Variants in PLCXD3 observed in about 807,000 individuals in gnomAD.
The protein encoded by PLCXD3 is phosphatidylinositol specific phospholipase C X domain containing 3, also known as PI-PLC X domain-containing protein 3.
PLCXD3 carries 19 observed loss-of-function variants against 25.5 expected under a neutral mutation model. That is an observed-to-expected ratio of 0.75 (90% CI 0.52 to 1.09). The LOEUF is 1.09. PLCXD3 is among the 50% of genes least tolerant of loss of function. The pLI is 0.00. For missense variants in PLCXD3, 411 were observed against 388.1 expected (o/e 1.06, Z -0.50); for synonymous variants, 174 against 137.6 (o/e 1.26, Z -1.85).
chr5:41,479,717 GAGAGAGAGAGAA>G lies in PLCXD3; in HGVS notation c.103+30695_103+30706del, dbSNP rs567299138. ...CCTTAGTACTCTGCTGAGAGGGAGA[GAGAGAGAGAGAA>G]AGAGAGAGAGAGAGAGAGAGTAGGC... is the stretch of plus-strand genomic sequence containing the variant. On this transcript the variant is annotated intron_variant, in intron 1 of 2. Coordinates refer to ENST00000377801, the MANE Select transcript of PLCXD3 (RefSeq NM_001005473.3). 5.3e-3 allele frequency among the ~76,000 whole-genome samples: 805 copies of G among 152,042 alleles called. 7 individuals are homozygous for G. Among genetic ancestry groups the G allele is most frequent in the African/African-American group, 0.018 (747 of 41,430 alleles).
Position 41,310,056 on chromosome 5 carries a change from A to T in PLCXD3, c.*3561T>A, listed in dbSNP as rs1414395786. The T allele has an allele frequency of 3.3e-5, 5 of 152,068 alleles. No homozygotes were observed. The highest frequency in any genetic ancestry group is 7.4e-5 in the Non-Finnish European group (5 of 67,974). The allele number at this position is 152,068 out of a possible 1,614,324, so 9.4% of individuals were successfully genotyped here. Reference sequence around the variant, plus strand: ...GTGCACATACAGGTGTATACATGGCAAACATTTTATACTCTAATACATTCA... The same window carrying T: ...GTGCACATACAGGTGTATACATGGCTAACATTTTATACTCTAATACATTCA... On this transcript the variant is annotated 3_prime_UTR_variant, in exon 3 of 3. Transcript: ENST00000377801.
intron 1 of PLCXD3, among the ~76,000 whole-genome samples, chr5:41,479,240 A>T (rs1020223493): frequency 5.3e-5 from 8 of 152,238 alleles, no homozygotes; most frequent in Non-Finnish European, 1.0e-4. Context: ...ACAAAAAACA[A>T]ATATTACATG....
intron 1 of PLCXD3, among the ~76,000 whole-genome samples, chr5:41,459,084 G>C (rs373584376): frequency 1.3e-5 from 2 of 151,714 alleles, no homozygotes; most frequent in African/African-American, 4.8e-5. Flanking sequence ...TCAATGCCAA[G>C]TACTCTTTCA....
chr5:41,483,574 C>T (rs34821016), intron 1 of PLCXD3, among the ~76,000 whole-genome samples: 6,102 of 152,068 alleles, frequency 0.04, 195 homozygotes, highest in South Asian at 0.058. Flanking sequence ...ATTGCTTAAG[C>T]TTAATGAGTA....
At chr5:41,345,817 C>T (rs1207607568) in intron 2 of PLCXD3, among the ~76,000 whole-genome samples, 3 of 151,902 alleles carry the variant, frequency 2.0e-5, no homozygotes, top group Admixed American at 1.3e-4. Context: ...TACTTATTTG[C>T]CTTTATCCAA....
chr5:41,493,690 G>T (rs1748761456), intron 1 of PLCXD3, among the ~76,000 whole-genome samples: 1 of 152,206 alleles, frequency 6.6e-6, no homozygotes, highest in African/African-American at 2.4e-5. Context: ...ATCTCAGACT[G>T]CTGTGCTAGC....
intron 1 of PLCXD3, among the ~76,000 whole-genome samples, chr5:41,463,579 A>G (rs1234900670): frequency 2.6e-5 from 4 of 151,968 alleles, no homozygotes. Context: ...TAAGAGATTC[A>G]TATTTCTGGT....
intron 1 of PLCXD3, among the ~76,000 whole-genome samples, chr5:41,494,772 G>C (rs951239965): frequency 3.9e-5 from 6 of 152,118 alleles, no homozygotes; most frequent in Non-Finnish European, 8.8e-5. Flanking sequence ...CAAGTGATTG[G>C]ATTACATATT....
chr5:41,435,854 A>G (rs1200303195), intron 1 of PLCXD3, among the ~76,000 whole-genome samples: 3 of 152,230 alleles, frequency 2.0e-5, no homozygotes, highest in Non-Finnish European at 2.9e-5. Context: ...CCCGTAAAGA[A>G]ACAGGGCCCA....
intron 1 of PLCXD3, among the ~76,000 whole-genome samples, chr5:41,395,593 T>A (rs1447054579): frequency 1.3e-5 from 2 of 151,912 alleles, no homozygotes; most frequent in Non-Finnish European, 2.9e-5. Context: ...GGAGAGACTA[T>A]CTAAATAAAA....
chr5:41,332,323 G>A lies in PLCXD3; in HGVS notation c.813-18553C>T, dbSNP rs1301711293. 1.5e-4 allele frequency among the ~76,000 whole-genome samples: 23 copies of A among 152,072 alleles called. 1 individual carries two copies. Among genetic ancestry groups the A allele is most frequent in the Admixed American group, 1.4e-3 (22 of 15,256 alleles). ...CTTCTCAAAAGAAGACATTTATGCA[G>A]CCAAAAAACACATGAAAAAATGCTC... On this transcript the variant is annotated intron_variant, in intron 2 of 2. Coordinates refer to ENST00000377801, the MANE Select transcript of PLCXD3 (RefSeq NM_001005473.3).
chr5:41,394,679 C>A (rs1006210078), intron 1 of PLCXD3, among the ~76,000 whole-genome samples: 3 of 151,994 alleles, frequency 2.0e-5, no homozygotes, highest in Non-Finnish European at 2.9e-5. Context: ...TTATATTAGA[C>A]AAAATGGACT....
chr5:41,349,461 C>T (rs1049665449), intron 2 of PLCXD3, among the ~76,000 whole-genome samples: 1 of 152,120 alleles, frequency 6.6e-6, no homozygotes, highest in African/African-American at 2.4e-5. Flanking sequence ...TTAAACTTTT[C>T]CTTGTATTAA....
chr5:41,506,329 G>A (rs1023410329), intron 1 of PLCXD3, among the ~76,000 whole-genome samples: 2 of 152,158 alleles, frequency 1.3e-5, no homozygotes, highest in Non-Finnish European at 2.9e-5. Context: ...AACAAATTAT[G>A]TTTCAGATAC....
At chr5:41,476,869 C>A (rs1748294514) in intron 1 of PLCXD3, among the ~76,000 whole-genome samples, 1 of 152,160 alleles carries the variant, frequency 6.6e-6, no homozygotes, top group African/African-American at 2.4e-5. Context: ...ATCAAGGCTT[C>A]AAGGCTTTTA....
At position 41,330,431 on chromosome 5, in the gene PLCXD3, A is replaced by C. The variant is rs889060156; in HGVS notation, c.813-16661T>G. On this transcript the variant is annotated intron_variant, in intron 2 of 2. Transcript: ENST00000377801. ...AATCTCTGAATAGAACAATAACAGG[A>C]TCTGAAATTGTGGCAATAATCAATA... 2.2e-4 allele frequency among the ~76,000 whole-genome samples: 33 copies of C among 152,242 alleles called. 1 individual carries two copies. The highest frequency in any genetic ancestry group is 2.2e-3 in the Admixed American group (33 of 15,276).
intron 2 of PLCXD3, among the ~76,000 whole-genome samples, chr5:41,343,320 T>C (rs549979565): frequency 1.7e-4 from 26 of 152,254 alleles, no homozygotes; most frequent in African/African-American, 6.3e-4. Flanking sequence ...AATCTGAAGT[T>C]TTTATGTTTA....
chr5:41,412,252 C>A lies in PLCXD3; in HGVS notation c.104-29718G>T, dbSNP rs372947758. Among the ~76,000 whole-genome samples the A allele has an allele frequency of 5.3e-5, 8 of 152,222 alleles. No individual in the cohort carries two copies. The South Asian group carries it at 1.7e-3, about 32-fold the overall frequency. ...ATTGGGTTACAACATCAATGTTTTT[C>A]CGTAGTATTACATAGTCTTCAAACA... On this transcript the variant is annotated intron_variant, in intron 1 of 2. Coordinates refer to ENST00000377801, the MANE Select transcript of PLCXD3 (RefSeq NM_001005473.3).
At chr5:41,389,656 A>T (rs768407414) in intron 1 of PLCXD3, among the ~76,000 whole-genome samples, 1 of 152,164 alleles carries the variant, frequency 6.6e-6, no homozygotes, top group Non-Finnish European at 1.5e-5. Context: ...AACAGTGACC[A>T]TCAGAAACTT....
Sources: gnomAD v4.1 joint callset for allele counts (sites outside exome capture counted in the v4.1 genomes callset) on GRCh38, gnomAD v4.1.1 for gene constraint, MANE v1.5 for transcripts, NCBI Gene and HGNC (gene_info 2026-07-23, HGNC 2026-07-21) for gene names.